The following MAP3K15 variants were observed in gnomAD, a reference collection of about 807,000 sequenced individuals.
MAP3K15 encodes MAPK/ERK kinase kinase 15.
In MAP3K15, 124 loss-of-function variants were observed where a neutral mutation model predicts 99.5. The observed-to-expected ratio is 1.25, with a 90% CI of 1.08 to 1.45. MAP3K15 has a LOEUF of 1.45. Among genes scored for constraint, MAP3K15 ranks in the 40% most tolerant of loss-of-function variants. MAP3K15 has a pLI of 0.00. For missense variants in MAP3K15, 1,242 were observed against 1,079.7 expected (o/e 1.15, Z -2.11); for synonymous variants, 494 against 439.6 (o/e 1.12, Z -1.55).
chrX:19,418,263 G>A lies in MAP3K15; in HGVS notation c.1440-3006C>T, dbSNP rs184368311. Among the ~76,000 whole-genome samples the A allele has an allele frequency of 3.0e-3, 330 of 110,960 alleles. 1 individual carries two copies. The highest frequency in any genetic ancestry group is 0.01 in the African/African-American group (318 of 30,567). ...TACTCCGAGCTAAAGGAGGAAGTTCGAACCCATGGCAAAGAAGTTAAAAAC... is the reference window on the plus strand; with the variant it reads ...TACTCCGAGCTAAAGGAGGAAGTTCAAACCCATGGCAAAGAAGTTAAAAAC... On this transcript the variant is annotated intron_variant, in intron 9 of 28. Coordinates refer to ENST00000338883, the MANE Select transcript of MAP3K15 (RefSeq NM_001001671.4).
Position 19,515,249 on chromosome X carries a change from C to T in MAP3K15, c.13G>A (p.Gly5Ser), listed in dbSNP as rs1225904878. Residue 5 changes from glycine to serine, a missense_variant, in exon 1 of 29, where the codon GGT becomes AGT. Coordinates refer to ENST00000338883, the MANE Select transcript of MAP3K15 (RefSeq NM_001001671.4). ...AGGGCCCCGGCCGGAGCATTCCCACCGCCGCTCTCCATGTGCCCGCCTGCG... is the reference window on the plus strand; with the variant it reads ...AGGGCCCCGGCCGGAGCATTCCCACTGCCGCTCTCCATGTGCCCGCCTGCG... MESG[G>S]GNAPAGALGA... The T allele has an allele frequency of 4.5e-6, 4 of 889,984 alleles. No homozygotes were observed. In the African/African-American group the frequency reaches 8.5e-5, roughly 19 times the overall value. 73.3% of individuals were successfully genotyped at this position (889,984 alleles called of 1,213,427 possible).
chrX:19,442,714 TATC>T lies in MAP3K15; in HGVS notation c.996-11109_996-11107del, dbSNP rs1266020729. 3.8e-3 allele frequency among the ~76,000 whole-genome samples: 372 copies of T among 98,590 alleles called. 10 individuals are homozygous for T. The highest frequency in any genetic ancestry group is 0.014 in the African/African-American group (351 of 25,010). 85.6% of individuals were successfully genotyped at this position (98,590 alleles called of 115,157 possible). A position where few individuals can be genotyped will look rare whatever the true frequency, so the allele number is the denominator to read the frequency against. On this transcript the variant is annotated intron_variant, in intron 6 of 28. Transcript: ENST00000338883. ...TTTATTTTATTATTATTATTATTAT[TATC>T]ATTATTATTATTATTATTATTTTGA... is the stretch of plus-strand genomic sequence containing the variant.
intron 25 of MAP3K15, among the ~76,000 whole-genome samples, chrX:19,367,154 A>G (rs2063339899): frequency 8.9e-6 from 1 of 112,371 alleles, no homozygotes. Flanking sequence ...TTATGCAGCC[A>G]TAAAAAAAGA....
At chrX:19,504,934 C>A (rs1310560561) in intron 1 of MAP3K15, among the ~76,000 whole-genome samples, 2 of 84,909 alleles carry the variant, frequency 2.4e-5, no homozygotes, top group East Asian at 7.0e-4. Flanking sequence ...CTAGCCTGAG[C>A]AACAGAGCGA....
chrX:19,488,394 C>T (rs2064343901), intron 2 of MAP3K15, among the ~76,000 whole-genome samples: 1 of 111,864 alleles, frequency 8.9e-6, no homozygotes, highest in Non-Finnish European at 1.9e-5. Flanking sequence ...AATATTCTGT[C>T]CATTTCGGTA....
chrX:19,434,694 G>A lies in MAP3K15; in HGVS notation c.996-3086C>T, dbSNP rs181595052. Among the ~76,000 whole-genome samples the A allele has an allele frequency of 2.1e-4, 23 of 111,869 alleles. No homozygotes were observed. In the East Asian group the frequency reaches 6.2e-3, roughly 30 times the overall value. ...TGGAAAAAATTATTTGATTATTTGA[G>A]TGACTATTTTTTCAGTGCTCCCAAG... On this transcript the variant is annotated intron_variant, in intron 6 of 28. Coordinates refer to ENST00000338883, the MANE Select transcript of MAP3K15 (RefSeq NM_001001671.4).
intron 6 of MAP3K15, among the ~76,000 whole-genome samples, chrX:19,449,122 C>T (rs2064020997): frequency 9.1e-6 from 1 of 109,910 alleles, no homozygotes; most frequent in African/African-American, 3.2e-5. Flanking sequence ...ATAATTCCTA[C>T]AGACTAAGCC....
chrX:19,427,811 T>C (rs942991245), intron 7 of MAP3K15, among the ~76,000 whole-genome samples: 16 of 111,249 alleles, frequency 1.4e-4, no homozygotes, highest in Admixed American at 1.2e-3. Flanking sequence ...GAAGTTATCA[T>C]TGAAGTCAGT....
At chrX:19,369,522 G>C (rs1165344596) in intron 24 of MAP3K15, among the ~76,000 whole-genome samples, 2 of 112,212 alleles carry the variant, frequency 1.8e-5, no homozygotes, top group Admixed American at 1.9e-4. Flanking sequence ...TGTAATCCAA[G>C]CACTTTGGGA....
intron 1 of MAP3K15, among the ~76,000 whole-genome samples, chrX:19,491,858 G>A (rs775426136): frequency 1.1e-4 from 12 of 110,083 alleles, no homozygotes; most frequent in Non-Finnish European, 1.7e-4. Flanking sequence ...TAATTTTGTC[G>A]TATTTTTAGC....
At chrX:19,440,076 ATC>A (rs1341810904) in intron 6 of MAP3K15, among the ~76,000 whole-genome samples, 1 of 111,019 alleles carries the variant, frequency 9.0e-6, no homozygotes, top group Non-Finnish European at 1.9e-5. Flanking sequence ...CAATAGCCAC[ATC>A]TCTTTGTTAG....
intron 1 of MAP3K15, among the ~76,000 whole-genome samples, chrX:19,492,027 G>C (rs1293742104): frequency 9.6e-6 from 1 of 104,312 alleles, no homozygotes; most frequent in Admixed American, 1.0e-4. Context: ...GTCTCACTCT[G>C]TTGCCCAGGG....
intron 1 of MAP3K15, among the ~76,000 whole-genome samples, chrX:19,494,498 T>C (rs1045435496): frequency 8.9e-6 from 1 of 112,080 alleles, no homozygotes; most frequent in African/African-American, 3.2e-5. Context: ...TTTAGTTCGT[T>C]GAAAACTTTT....
chrX:19,369,301 C>A (rs192064297), intron 24 of MAP3K15, 82 bp from the exon 25 acceptor site: 2 of 1,116,064 alleles, frequency 1.8e-6, no homozygotes, highest in East Asian at 6.0e-5. Context: ...GTCAGCAAAC[C>A]GGGCTGTTCA....
At chrX:19,384,147 A>G (rs1337105089) in intron 18 of MAP3K15, among the ~76,000 whole-genome samples, 1 of 112,332 alleles carries the variant, frequency 8.9e-6, no homozygotes, top group Non-Finnish European at 1.9e-5. Context: ...ATGGAGTACC[A>G]TTCAGCCATT....
At chrX:19,384,996 T>C (rs914383598) in intron 18 of MAP3K15, among the ~76,000 whole-genome samples, 7 of 111,161 alleles carry the variant, frequency 6.3e-5, no homozygotes, top group East Asian at 2.8e-4. Flanking sequence ...TATGGAGCCA[T>C]GGTGAACAGC....
In MAP3K15 at chrX:19,511,410, G is replaced by C. The variant is rs2064517514; in HGVS notation, c.361+3491C>G. Among the ~76,000 whole-genome samples the C allele has an allele frequency of 4.5e-5, 5 of 111,588 alleles. No homozygotes were observed. The South Asian group carries it at 1.5e-3, about 34-fold the overall frequency. On this transcript the variant is annotated intron_variant, in intron 1 of 28. Transcript: ENST00000338883. ...CCTACAGAATGGGAGAACGTTTTTG[G>C]AATCTATCAATCTGACAAAGGTCTA...
At chrX:19,430,480 A>T (rs748895137) in intron 7 of MAP3K15, among the ~76,000 whole-genome samples, 1 of 112,236 alleles carries the variant, frequency 8.9e-6, no homozygotes, top group South Asian at 3.7e-4. Flanking sequence ...CCACAGAATC[A>T]TGAAAAATCA....
intron 18 of MAP3K15, among the ~76,000 whole-genome samples, chrX:19,385,505 T>C (rs1420775495): frequency 9.0e-6 from 1 of 111,239 alleles, no homozygotes; most frequent in African/African-American, 3.3e-5. Flanking sequence ...AGGGTGTGAC[T>C]ATCAGGAGGT....
Sources: allele counts gnomAD v4.1 joint callset (sites outside exome capture counted in the v4.1 genomes callset), GRCh38; gene constraint gnomAD v4.1.1; transcripts MANE v1.5; gene names NCBI Gene and HGNC (gene_info 2026-07-23, HGNC 2026-07-21).